The following THSD7A variants were observed in gnomAD, a reference collection of about 807,000 sequenced individuals.
The protein encoded by THSD7A is thrombospondin type-1 domain-containing protein 7A.
A neutral mutation model predicts 231.3 loss-of-function variants in THSD7A; 96 were observed. The observed-to-expected ratio is 0.41, with a 90% CI of 0.35 to 0.49. The LOEUF (loss-of-function observed/expected upper bound fraction) is 0.49. Ranked by LOEUF, THSD7A falls within the 20% of genes least tolerant of loss-of-function variation. The probability of loss-of-function intolerance (pLI) is 0.05; values close to 1 mark genes in which losing one functional copy is unlikely to be tolerated. For missense variants in THSD7A, 2,290 were observed against 2,070.2 expected, an observed-to-expected ratio of 1.11 and a Z score of -2.06; for synonymous variants, 940 against 743.3, an observed-to-expected ratio of 1.26 and a Z score of -4.30.
In THSD7A at chr7:11,636,996, A is replaced by G. The variant is rs748390789; in HGVS notation, c.191-35T>C. Reference sequence around the variant, plus strand: ...TTATAACACAAAAATTAGCAGTGCTACTAGAAGAAAACTACAAGTTACTGC... The same window carrying G: ...TTATAACACAAAAATTAGCAGTGCTGCTAGAAGAAAACTACAAGTTACTGC... On this transcript the variant is annotated intron_variant, in intron 1 of 27. Transcript: ENST00000423059. The surrounding 1 kb of genome is among the most constrained non-coding windows in gnomAD (Gnocchi z 10.0). 9.0e-6 allele frequency: 14 copies of G among 1,559,308 alleles called. No homozygotes were observed. Among genetic ancestry groups the G allele is most frequent in the Non-Finnish European group, 1.2e-5 (14 of 1,156,104 alleles).
intron 1 of THSD7A, among the ~76,000 whole-genome samples, chr7:11,764,998 A>G (rs1782987782): frequency 1.3e-5 from 2 of 152,138 alleles, no homozygotes; most frequent in South Asian, 4.1e-4. Flanking sequence ...GAGATAAGGA[A>G]GATATAGTAG....
chr7:11,508,212 G>A lies in THSD7A; in HGVS notation c.1823-26230C>T, dbSNP rs544219605. On this transcript the variant is annotated intron_variant, in intron 6 of 27. Coordinates refer to ENST00000423059, the MANE Select transcript of THSD7A (RefSeq NM_015204.3). ...GATTACAATTCAAGAGGAGATTTGG[G>A]TGGAGACAAAGAACCAAAAAGAATA... 4.9e-4 allele frequency among the ~76,000 whole-genome samples: 74 copies of A among 152,310 alleles called. No homozygotes were observed. The Middle Eastern group carries it at 0.017, about 35-fold the overall frequency.
intron 19 of THSD7A, 90 bp from the exon 20 acceptor site, chr7:11,407,513 GA>G (rs1249584232): frequency 2.3e-6 from 2 of 868,242 alleles, no homozygotes; most frequent in Non-Finnish European, 3.6e-6. Context: ...GAAGGAGGGA[GA>G]AAAAGCAAGC....
At chr7:11,593,594 T>C in intron 2 of THSD7A, 92 bp from the exon 3 acceptor site, 1 of 1,469,940 alleles carries the variant, frequency 6.8e-7, no homozygotes, top group Non-Finnish European at 9.2e-7. Flanking sequence ...TTGGGCATTT[T>C]TATTTCTACT....
chr7:11,512,338 G>A (rs1413554339), intron 6 of THSD7A, among the ~76,000 whole-genome samples: 5 of 152,140 alleles, frequency 3.3e-5, no homozygotes, highest in South Asian at 2.1e-4. Context: ...CTGTTGGTGG[G>A]AATGTAAAGT....
intron 1 of THSD7A, among the ~76,000 whole-genome samples, chr7:11,649,107 T>C (rs571565119): frequency 6.6e-5 from 10 of 152,166 alleles, no homozygotes; most frequent in Admixed American, 5.9e-4. Flanking sequence ...ATGAAAGATA[T>C]GTGGCTTCTG....
At chr7:11,734,843 AC>A (rs1781855934) in intron 1 of THSD7A, among the ~76,000 whole-genome samples, 1 of 151,852 alleles carries the variant, frequency 6.6e-6, no homozygotes. Flanking sequence ...AATTGAATAA[AC>A]CCATTTTTTC....
At chr7:11,396,943 C>G (rs774958385) in intron 23 of THSD7A, among the ~76,000 whole-genome samples, 6 of 152,156 alleles carry the variant, frequency 3.9e-5, no homozygotes, top group African/African-American at 1.2e-4. Context: ...ATGATCAAGT[C>G]GGCTTCATCC....
At chr7:11,649,871 A>G (rs771148295) in intron 1 of THSD7A, among the ~76,000 whole-genome samples, 10 of 151,710 alleles carry the variant, frequency 6.6e-5, no homozygotes, top group Non-Finnish European at 1.2e-4. Flanking sequence ...CACCAAATCC[A>G]ACTAGTATAA....
chr7:11,752,913 T>G (rs1169797370), intron 1 of THSD7A, among the ~76,000 whole-genome samples: 1 of 136,808 alleles, frequency 7.3e-6, no homozygotes, highest in African/African-American at 2.8e-5. Flanking sequence ...CCAACAAGAG[T>G]GAGAGACCCT....
chr7:11,672,317 G>T (rs1783425521), intron 1 of THSD7A, among the ~76,000 whole-genome samples: 1 of 151,962 alleles, frequency 6.6e-6, no homozygotes, highest in Non-Finnish European at 1.5e-5. Context: ...TTTATTATTT[G>T]CTATCAGAGA....
At position 11,444,972 on chromosome 7, in the gene THSD7A, G is replaced by A. The variant is rs907740621; in HGVS notation, c.3064+1089C>T. On this transcript the variant is annotated intron_variant, in intron 13 of 27. Transcript: ENST00000423059. The surrounding 1 kb of genome is among the most constrained non-coding windows in gnomAD (Gnocchi z 4.2). ...ATATATATGTATATATATATTAAAT[G>A]AAACTTCTTTGTAGTGAGATGTTTA... Among the ~76,000 whole-genome samples the A allele has an allele frequency of 6.7e-6, 1 of 149,106 alleles. No homozygotes were observed. Among genetic ancestry groups the A allele is most frequent in the African/African-American group, 2.5e-5 (1 of 40,806 alleles).
At chr7:11,771,213 T>G (rs1243627626) in intron 1 of THSD7A, among the ~76,000 whole-genome samples, 1 of 151,224 alleles carries the variant, frequency 6.6e-6, no homozygotes, top group Non-Finnish European at 1.5e-5. Context: ...TTATAAAAAA[T>G]TTACATTGGA....
chr7:11,604,679 G>T (rs1780677468), intron 2 of THSD7A, among the ~76,000 whole-genome samples: 3 of 152,034 alleles, frequency 2.0e-5, no homozygotes, highest in Admixed American at 6.6e-5. Context: ...TCTAACTTTG[G>T]CAATCTTGCG....
intron 4 of THSD7A, among the ~76,000 whole-genome samples, chr7:11,566,058 C>G (rs1449509911): frequency 6.6e-6 from 1 of 152,100 alleles, no homozygotes; most frequent in African/African-American, 2.4e-5. Context: ...AAAAAAATAG[C>G]AGTAAGGCTT....
chr7:11,545,282 T>C (rs5027108), intron 4 of THSD7A, among the ~76,000 whole-genome samples: 17,527 of 152,072 alleles, frequency 0.12, 2,054 homozygotes, highest in African/African-American at 0.3. Context: ...ATCTTGGTGC[T>C]ACTATATTGT....
chr7:11,506,266 C>T (rs1787540875), intron 6 of THSD7A, among the ~76,000 whole-genome samples: 1 of 152,164 alleles, frequency 6.6e-6, no homozygotes, highest in Non-Finnish European at 1.5e-5. Context: ...GCTGGGATTT[C>T]AGGAGTGAGC....
At chr7:11,759,511 G>A (rs915729646) in intron 1 of THSD7A, among the ~76,000 whole-genome samples, 2 of 152,022 alleles carry the variant, frequency 1.3e-5, no homozygotes, top group African/African-American at 4.8e-5. Flanking sequence ...TCTAATCAGT[G>A]TTCTGTGCAG....
chr7:11,420,792 A>T (rs890416420), intron 16 of THSD7A, among the ~76,000 whole-genome samples: 2 of 152,220 alleles, frequency 1.3e-5, no homozygotes, highest in Non-Finnish European at 2.9e-5. Flanking sequence ...GCAGAGCCAC[A>T]GGGGTCGAGC....
Sources: allele counts gnomAD v4.1 joint callset (sites outside exome capture counted in the v4.1 genomes callset), GRCh38; gene constraint gnomAD v4.1.1; non-coding constraint Gnocchi (gnomAD v3.1); transcripts MANE v1.5; gene names NCBI Gene and HGNC (gene_info 2026-07-23, HGNC 2026-07-21).